Variants in GABRB1 observed in about 807,000 individuals in gnomAD.
The protein encoded by GABRB1 is gamma-aminobutyric acid receptor subunit beta-1.
Under a neutral mutation model 51.6 loss-of-function variants are expected in GABRB1, and 17 were observed. The observed-to-expected ratio is 0.33, with a 90% CI of 0.23 to 0.49. The LOEUF (loss-of-function observed/expected upper bound fraction) is 0.49. Among genes scored for constraint, GABRB1 ranks in the 20% least tolerant of loss-of-function variants. The pLI is 0.99. For missense variants in GABRB1, 410 were observed against 600.6 expected (o/e 0.68, Z 3.32); for synonymous variants, 247 against 218.9 (o/e 1.13, Z -1.14).
At chr4:47,346,844 C>T (rs1218434167) in intron 5 of GABRB1, among the ~76,000 whole-genome samples, 2 of 152,190 alleles carry the variant, frequency 1.3e-5, no homozygotes, top group Non-Finnish European at 2.9e-5. Flanking sequence ...TGACCAGGGG[C>T]ATCTTCTCTG....
intron 5 of GABRB1, among the ~76,000 whole-genome samples, chr4:47,393,850 A>G (rs901285089): frequency 6.6e-6 from 1 of 152,216 alleles, no homozygotes; most frequent in East Asian, 1.9e-4. Context: ...AACCCACTGC[A>G]TATCCTTCAT....
chr4:47,135,657 C>G (rs1716618246), intron 3 of GABRB1, among the ~76,000 whole-genome samples: 1 of 152,126 alleles, frequency 6.6e-6, no homozygotes, highest in Non-Finnish European at 1.5e-5. Flanking sequence ...CTGCATCAGT[C>G]AACCAGAGGT....
chr4:47,111,378 T>G (rs1332485393), intron 3 of GABRB1, among the ~76,000 whole-genome samples: 1 of 151,916 alleles, frequency 6.6e-6, no homozygotes, highest in East Asian at 1.9e-4. Flanking sequence ...ATACTTTTAC[T>G]GCAGAATATA....
chr4:47,070,139 C>A lies in GABRB1; in HGVS notation c.240+37655C>A, dbSNP rs932894504. 2.0e-5 allele frequency among the ~76,000 whole-genome samples: 3 copies of A among 151,726 alleles called. No individual in the cohort carries two copies. The South Asian group carries it at 6.2e-4, about 32-fold the overall frequency. ...CAACCTCCGCCTTCTGAGCTCAAGC[C>A]ATTCTCCTGCCTCAGCCTCCCAAGT... is the stretch of plus-strand genomic sequence containing the variant. On this transcript the variant is annotated intron_variant, in intron 3 of 8. Coordinates refer to ENST00000295454, the MANE Select transcript of GABRB1 (RefSeq NM_000812.4).
intron 5 of GABRB1, among the ~76,000 whole-genome samples, chr4:47,372,550 A>G (rs771394374): frequency 6.6e-6 from 1 of 152,138 alleles, no homozygotes; most frequent in Non-Finnish European, 1.5e-5. Context: ...CCAATTTAAA[A>G]TTTCAATCTC....
At chr4:47,071,445 C>T (rs1003649601) in intron 3 of GABRB1, among the ~76,000 whole-genome samples, 8 of 152,074 alleles carry the variant, frequency 5.3e-5, no homozygotes, top group African/African-American at 1.9e-4. Flanking sequence ...TTTCCTGATT[C>T]CTCACTCTCC....
At position 47,001,243 on chromosome 4, in the gene GABRB1, C is replaced by G. The variant is rs1052184525; in HGVS notation, c.-20+7317C>G. On this transcript the variant is annotated intron_variant, in intron 1 of 3. Coordinates refer to the GABRB1 transcript ENST00000513567. ...CTGCAAGCTCCGCCTCCCGGGTTCA[C>G]GCCATTCTCCTGCCTCAGCCTCCCG... Among the ~76,000 whole-genome samples, 4 of 152,010 alleles carry G rather than the reference C, an allele frequency of 2.6e-5. No individual in the cohort carries two copies. In the South Asian group the frequency reaches 8.3e-4, roughly 32 times the overall value.
intron 4 of GABRB1, among the ~76,000 whole-genome samples, chr4:47,295,107 T>C (rs924524933): frequency 1.3e-5 from 2 of 152,096 alleles, no homozygotes; most frequent in Non-Finnish European, 2.9e-5. Flanking sequence ...AACCCATCTG[T>C]ACATCACCAT....
chr4:47,277,532 A>C (rs966472795), intron 4 of GABRB1, among the ~76,000 whole-genome samples: 7 of 152,220 alleles, frequency 4.6e-5, no homozygotes, highest in African/African-American at 1.4e-4. Context: ...AATTCAAAGG[A>C]TAAATGGTTG....
At chr4:47,141,838 G>A (rs1716951254) in intron 3 of GABRB1, among the ~76,000 whole-genome samples, 1 of 151,902 alleles carries the variant, frequency 6.6e-6, no homozygotes, top group African/African-American at 2.4e-5. Context: ...GTTAACAAGT[G>A]CCTAGCCCTG....
chr4:47,040,280 T>C (rs1046605379), intron 3 of GABRB1, among the ~76,000 whole-genome samples: 3 of 152,150 alleles, frequency 2.0e-5, no homozygotes, highest in African/African-American at 7.2e-5. Flanking sequence ...TGCAGCTATG[T>C]GGAGGATGAA....
At chr4:47,021,002 A>C (rs1724915373) in intron 1 of GABRB1, among the ~76,000 whole-genome samples, 1 of 152,210 alleles carries the variant, frequency 6.6e-6, no homozygotes, top group Non-Finnish European at 1.5e-5. Context: ...CTCTTTGTCA[A>C]CATATTTACA....
chr4:47,263,323 C>T (rs1043745626), intron 4 of GABRB1, among the ~76,000 whole-genome samples: 1 of 151,912 alleles, frequency 6.6e-6, no homozygotes, highest in Non-Finnish European at 1.5e-5. Context: ...GGAGGATTAC[C>T]TTGAACTCTT....
intron 1 of GABRB1, among the ~76,000 whole-genome samples, chr4:47,020,381 G>A (rs538085335): frequency 1.3e-5 from 2 of 152,240 alleles, no homozygotes; most frequent in African/African-American, 4.8e-5. Context: ...GCTTTCAAAT[G>A]TATACTTCCA....
chr4:47,325,027 G>A (rs1340928624), intron 5 of GABRB1, among the ~76,000 whole-genome samples: 1 of 152,126 alleles, frequency 6.6e-6, no homozygotes, highest in East Asian at 1.9e-4. Flanking sequence ...CTGGACCATT[G>A]TAGCTGCCTT....
rs542422979 is a variant in GABRB1 at position 47,015,065 on chromosome 4, C to T, written c.-19-16849C>T. 1.1e-4 allele frequency among the ~76,000 whole-genome samples: 17 copies of T among 152,294 alleles called. No homozygotes were observed. The South Asian group carries it at 1.9e-3, about 17-fold the overall frequency. The stretch of plus-strand genomic sequence containing the variant: ...GGTATTACAGGCACACGCCACCACA[C>T]CCGGCTAATTTTTTGTATTTTTAGT... On this transcript the variant is annotated intron_variant, in intron 1 of 3. Coordinates refer to the GABRB1 transcript ENST00000513567.
At chr4:47,136,197 G>T (rs149772962) in intron 3 of GABRB1, among the ~76,000 whole-genome samples, 1 of 152,198 alleles carries the variant, frequency 6.6e-6, no homozygotes, top group African/African-American at 2.4e-5. Flanking sequence ...TCCATGTGTT[G>T]CTCAGGTTGA....
At chr4:47,307,668 G>A (rs368398662) in intron 4 of GABRB1, among the ~76,000 whole-genome samples, 4 of 151,820 alleles carry the variant, frequency 2.6e-5, no homozygotes, top group Non-Finnish European at 4.4e-5. Flanking sequence ...TAAGACAACA[G>A]CAAAGTTAAT....
At chr4:47,400,921 C>CTTTTTTTTTTTTTTTTTTTTTTTT (rs71195629) in intron 5 of GABRB1, among the ~76,000 whole-genome samples, 1 of 98,540 alleles carries the variant, frequency 1.0e-5, no homozygotes, top group Non-Finnish European at 1.9e-5. Context: ...TTGTTCTTCT[C>CTTTTTTTTTTTTTTTTTTTTTTTT]TTTTTTTTTT....
Sources: gnomAD v4.1 joint callset for allele counts (sites outside exome capture counted in the v4.1 genomes callset) on GRCh38, gnomAD v4.1.1 for gene constraint, MANE v1.5 for transcripts, NCBI Gene and HGNC (gene_info 2026-07-23, HGNC 2026-07-21) for gene names.